VDAC1: variants seen among roughly 807,000 people sequenced by gnomAD.
The protein encoded by VDAC1 is voltage dependent anion channel 1, also known as non-selective voltage-gated ion channel VDAC1.
A neutral mutation model predicts 34.7 loss-of-function variants in VDAC1; 10 were observed. That is an observed-to-expected ratio of 0.29 (90% CI 0.18 to 0.49). The LOEUF (loss-of-function observed/expected upper bound fraction) is 0.49, where lower values mean the gene tolerates loss of function less well. Ranked by LOEUF, VDAC1 falls within the 20% of genes least tolerant of loss-of-function variation. The pLI is 0.99. For missense variants in VDAC1, 230 were observed against 347.9 expected, an observed-to-expected ratio of 0.66 and a Z score of 2.69; for synonymous variants, 130 against 136.0, an observed-to-expected ratio of 0.96 and a Z score of 0.30.
At chr5:134,041,400 G>A in the VDAC1 span, among the ~76,000 whole-genome samples, 1 of 152,236 alleles carries the variant, frequency 6.6e-6, no homozygotes, top group Non-Finnish European at 1.5e-5. Context: ...GCAGTGTAGG[G>A]GCCTCTGCTG....
intron 7 of VDAC1, among the ~76,000 whole-genome samples, 170 bp from the exon 8 acceptor site, chr5:133,974,018 A>G (rs190644738): frequency 3.3e-5 from 5 of 152,360 alleles, no homozygotes; most frequent in Admixed American, 2.6e-4. Flanking sequence ...CATCAATTTT[A>G]GGTGCATACC....
chr5:134,021,317 C>T, the VDAC1 span, among the ~76,000 whole-genome samples: 2 of 151,818 alleles, frequency 1.3e-5, no homozygotes, highest in Non-Finnish European at 2.9e-5. Flanking sequence ...AGGTATTTCT[C>T]CTAATGCTAT....
chr5:134,113,452 G>C, the VDAC1 span, among the ~76,000 whole-genome samples: 1 of 152,262 alleles, frequency 6.6e-6, no homozygotes, highest in Non-Finnish European at 1.5e-5. Context: ...AGGCACGGCT[G>C]TCTTCCGGCC....
the VDAC1 span, among the ~76,000 whole-genome samples, chr5:134,077,943 C>A: frequency 6.6e-6 from 1 of 152,236 alleles, no homozygotes; most frequent in African/African-American, 2.4e-5. Context: ...TGGGCCTGCC[C>A]ACTAATTATC....
intron 5 of VDAC1, among the ~76,000 whole-genome samples, chr5:133,987,572 G>A (rs1752954199): frequency 6.6e-6 from 1 of 152,064 alleles, no homozygotes; most frequent in Non-Finnish European, 1.5e-5. Context: ...CAGCTACTTG[G>A]GAGGCTGAGG....
chr5:133,978,342 C>A (rs143374008), intron 6 of VDAC1, among the ~76,000 whole-genome samples: 386 of 152,076 alleles, frequency 2.5e-3, no homozygotes, highest in African/African-American at 8.9e-3. Context: ...TTTCTATGTT[C>A]CCCAGGCTGG....
At chr5:133,995,612 T>C (rs140737261) in intron 1 of VDAC1, among the ~76,000 whole-genome samples, 15 of 152,072 alleles carry the variant, frequency 9.9e-5, no homozygotes, top group Admixed American at 3.3e-4. Flanking sequence ...TGCCAGGTAG[T>C]GGTAGCTTCC....
the VDAC1 span, among the ~76,000 whole-genome samples, chr5:134,107,381 C>CA: frequency 1.3e-5 from 2 of 152,346 alleles, no homozygotes; most frequent in East Asian, 3.9e-4. Context: ...GACTGCTAGA[C>CA]GTGCTTCCTC....
the VDAC1 span, among the ~76,000 whole-genome samples, chr5:134,053,989 G>C: frequency 1.3e-5 from 2 of 152,192 alleles, no homozygotes; most frequent in East Asian, 3.8e-4. Flanking sequence ...TGTTGTGCAA[G>C]CTGCTGTTTG....
the VDAC1 span, among the ~76,000 whole-genome samples, chr5:134,083,970 AG>A: frequency 2.0e-5 from 3 of 152,180 alleles, no homozygotes; most frequent in Middle Eastern, 3.2e-3. Context: ...AGCCCTTATG[AG>A]CTGTGTGATC....
At chr5:133,984,142 A>G (rs116497982) in intron 5 of VDAC1, among the ~76,000 whole-genome samples, 35,085 of 151,760 alleles carry the variant, frequency 0.23, 4,710 homozygotes, top group Admixed American at 0.29. Flanking sequence ...TACAGCCCCT[A>G]CCTCCTGAGC....
the VDAC1 span, among the ~76,000 whole-genome samples, chr5:134,011,672 C>T: frequency 7.0e-6 from 1 of 141,966 alleles, no homozygotes; most frequent in South Asian, 2.3e-4. Flanking sequence ...CAGAGTTTTA[C>T]TCTGTCACCC....
chr5:134,011,901 A>G, the VDAC1 span, among the ~76,000 whole-genome samples: 1 of 151,984 alleles, frequency 6.6e-6, no homozygotes, highest in Non-Finnish European at 1.5e-5. Context: ...CAGCCTCCCA[A>G]AGTGCTGGGA....
the VDAC1 span, among the ~76,000 whole-genome samples, chr5:134,107,613 C>G: frequency 3.9e-5 from 6 of 152,212 alleles, no homozygotes; most frequent in Admixed American, 3.9e-4. Context: ...CACTCTCCAC[C>G]CATGACCCCT....
the VDAC1 span, among the ~76,000 whole-genome samples, chr5:134,053,986 C>T: frequency 1.3e-5 from 2 of 152,128 alleles, no homozygotes; most frequent in Non-Finnish European, 2.9e-5. Flanking sequence ...CTTTGTTGTG[C>T]AAGCTGCTGT....
upstream of VDAC1, among the ~76,000 whole-genome samples, chr5:134,006,276 G>A (rs1452299772): frequency 6.6e-6 from 1 of 152,224 alleles, no homozygotes; most frequent in African/African-American, 2.4e-5. Context: ...CCCGCACACT[G>A]AGACTGGTGG....
the VDAC1 span, among the ~76,000 whole-genome samples, chr5:134,030,443 G>A: frequency 6.6e-6 from 1 of 152,142 alleles, no homozygotes; most frequent in African/African-American, 2.4e-5. Flanking sequence ...AATGCATAGA[G>A]CCTTCTGCAA....
At chr5:134,037,268 T>TAAGAG in the VDAC1 span, among the ~76,000 whole-genome samples, 1 of 152,176 alleles carries the variant, frequency 6.6e-6, no homozygotes, top group African/African-American at 2.4e-5. Context: ...TGCTGTCATG[T>TAAGAG]GGACCTCAGA....
chr5:134,047,122 T>A, the VDAC1 span, among the ~76,000 whole-genome samples: 1 of 152,004 alleles, frequency 6.6e-6, no homozygotes, highest in East Asian at 1.9e-4. Context: ...CCCAAAGCAG[T>A]AGACCAGAGC....
Sources: allele counts gnomAD v4.1 joint callset (sites outside exome capture counted in the v4.1 genomes callset), GRCh38; gene constraint gnomAD v4.1.1; transcripts MANE v1.5; gene names NCBI Gene and HGNC (gene_info 2026-07-23, HGNC 2026-07-21).